Variants in RBMS3 observed in about 807,000 individuals in gnomAD.
RBMS3 encodes RNA-binding motif, single-stranded-interacting protein 3.
Under a neutral mutation model 66.8 loss-of-function variants are expected in RBMS3, and 27 were observed. That is an observed-to-expected ratio of 0.40 (90% confidence interval 0.30 to 0.56). RBMS3 has a LOEUF of 0.56. Ranked by LOEUF, RBMS3 falls within the 20% of genes least tolerant of loss-of-function variation. The probability of loss-of-function intolerance (pLI) is 0.40; values close to 1 mark genes in which losing one functional copy is unlikely to be tolerated. For synonymous variants in RBMS3, 188 were observed against 183.0 expected, an observed-to-expected ratio of 1.03 and a Z score of -0.22; for missense variants, 513 against 549.5, an observed-to-expected ratio of 0.93 and a Z score of 0.66.
At chr3:29,875,499 A>G (rs1468293710) in intron 7 of RBMS3, among the ~76,000 whole-genome samples, 3 of 152,182 alleles carry the variant, frequency 2.0e-5, no homozygotes, top group African/African-American at 7.2e-5. Context: ...AAGGAACTTG[A>G]CATACTATAA....
chr3:29,526,846 A>G (rs974109140), intron 3 of RBMS3, among the ~76,000 whole-genome samples: 1 of 151,240 alleles, frequency 6.6e-6, no homozygotes, highest in East Asian at 1.9e-4. Flanking sequence ...TTTCTCTCTC[A>G]TGTCTCTTTC....
intron 4 of RBMS3, among the ~76,000 whole-genome samples, chr3:29,677,196 C>T (rs540965852): frequency 6.6e-6 from 1 of 152,212 alleles, no homozygotes; most frequent in African/African-American, 2.4e-5. Context: ...CACCTCCCAC[C>T]AAGCCCCACC....
chr3:29,799,199 C>T (rs1231568445), intron 6 of RBMS3, among the ~76,000 whole-genome samples: 1 of 152,146 alleles, frequency 6.6e-6, no homozygotes, highest in East Asian at 1.9e-4. Flanking sequence ...AAATTTCTAA[C>T]ACAGATGGTC....
chr3:29,647,139 G>A (rs1256818743), intron 4 of RBMS3, among the ~76,000 whole-genome samples: 1 of 152,000 alleles, frequency 6.6e-6, no homozygotes, highest in Non-Finnish European at 1.5e-5. Context: ...CACCACACCG[G>A]GCTAATTTTT....
intron 10 of RBMS3, among the ~76,000 whole-genome samples, chr3:29,920,716 C>G (rs2060749202): frequency 1.3e-5 from 2 of 151,878 alleles, no homozygotes; most frequent in South Asian, 4.2e-4. Context: ...TGGCTGATGC[C>G]TGTAATCCCA....
Position 30,003,971 on chromosome 3 carries a change from T to A in RBMS3, c.*109T>A. ...GACGTCAATGGAATGCATTTTTTTG[T>A]TGTTGTTGTTGTTTTTTTTTTAGTG... is the stretch of plus-strand genomic sequence containing the variant. On this transcript the variant is annotated 3_prime_UTR_variant, in exon 15 of 15. Transcript: ENST00000383767. 1.0e-6 allele frequency: 1 copy of A among 978,080 alleles called. No individual in the cohort carries two copies. Among genetic ancestry groups the A allele is most frequent in the African/African-American group, 1.7e-5 (1 of 58,860 alleles). 60.6% of individuals were successfully genotyped at this position (978,080 alleles called of 1,614,324 possible). A position where few individuals can be genotyped will look rare whatever the true frequency, so the allele number is the denominator to read the frequency against.
chr3:29,499,050 G>A (rs2043867165), intron 3 of RBMS3, among the ~76,000 whole-genome samples: 1 of 152,102 alleles, frequency 6.6e-6, no homozygotes, highest in Non-Finnish European at 1.5e-5. Flanking sequence ...CCATCGCAGT[G>A]ACAGGTGATG....
chr3:29,570,998 CT>C (rs1204109161), intron 3 of RBMS3, among the ~76,000 whole-genome samples: 6 of 152,066 alleles, frequency 3.9e-5, no homozygotes, highest in Non-Finnish European at 8.8e-5. Context: ...TTGTTATTGC[CT>C]GTCTTTTGGA....
intron 6 of RBMS3, among the ~76,000 whole-genome samples, chr3:29,782,139 G>T (rs918474795): frequency 1.3e-5 from 2 of 152,030 alleles, no homozygotes; most frequent in Admixed American, 1.3e-4. Flanking sequence ...ACTTAACCAG[G>T]TGTCCCTAGG....
intron 1 of RBMS3, among the ~76,000 whole-genome samples, chr3:29,432,510 T>G (rs2041246253): frequency 6.6e-6 from 1 of 152,190 alleles, no homozygotes; most frequent in Non-Finnish European, 1.5e-5. Context: ...TTGGCCTTCT[T>G]TCTCTAAATG....
At chr3:29,367,321 GT>G (rs1352898065) in intron 1 of RBMS3, among the ~76,000 whole-genome samples, 52 of 152,056 alleles carry the variant, frequency 3.4e-4, no homozygotes, top group Admixed American at 1.3e-4. Flanking sequence ...ATTCAAAAAT[GT>G]TTTTAATAAC....
chr3:29,837,140 G>A (rs2058531152), intron 6 of RBMS3, among the ~76,000 whole-genome samples: 1 of 151,976 alleles, frequency 6.6e-6, no homozygotes, highest in South Asian at 2.1e-4. Flanking sequence ...CAAACGACTT[G>A]AGTAATTTTT....
At chr3:29,285,692 A>G (rs1187189280) in intron 1 of RBMS3, among the ~76,000 whole-genome samples, 1 of 152,102 alleles carries the variant, frequency 6.6e-6, no homozygotes, top group African/African-American at 2.4e-5. Context: ...GAAGTAGTTA[A>G]TCAACTGCAC....
At chr3:29,343,714 A>G (rs1399124914) in intron 1 of RBMS3, among the ~76,000 whole-genome samples, 1 of 152,196 alleles carries the variant, frequency 6.6e-6, no homozygotes, top group East Asian at 1.9e-4. Flanking sequence ...TCCACTAGAA[A>G]ACAGTTCCTT....
chr3:29,438,036 C>CTT (rs1268653157), intron 2 of RBMS3, among the ~76,000 whole-genome samples: 5 of 151,164 alleles, frequency 3.3e-5, no homozygotes, highest in Admixed American at 2.0e-4. Context: ...GTTTCTCTCT[C>CTT]TCTCTCTCTC....
chr3:29,393,684 C>G (rs907836042), intron 1 of RBMS3, among the ~76,000 whole-genome samples: 1 of 151,934 alleles, frequency 6.6e-6, no homozygotes, highest in Non-Finnish European at 1.5e-5. Flanking sequence ...CTATTTTTCC[C>G]TAAGTGTCGA....
At chr3:29,459,771 T>A (rs1040198452) in intron 2 of RBMS3, among the ~76,000 whole-genome samples, 2 of 152,230 alleles carry the variant, frequency 1.3e-5, no homozygotes, top group Non-Finnish European at 2.9e-5. Context: ...TAGATGCACT[T>A]CTGTAATATA....
chr3:29,432,837 A>G (rs1282278374), intron 1 of RBMS3, among the ~76,000 whole-genome samples: 1 of 152,186 alleles, frequency 6.6e-6, no homozygotes, highest in African/African-American at 2.4e-5. Flanking sequence ...AAGGGTGAAA[A>G]GTTGGGAGTA....
chr3:29,941,440 A>G (rs2149698880), intron 11 of RBMS3, among the ~76,000 whole-genome samples: 1 of 151,986 alleles, frequency 6.6e-6, no homozygotes, highest in South Asian at 2.1e-4. Flanking sequence ...GGTAATGGGT[A>G]CATCTAAAAT....
Sources: allele counts gnomAD v4.1 joint callset (sites outside exome capture counted in the v4.1 genomes callset), GRCh38; gene constraint gnomAD v4.1.1; transcripts MANE v1.5; gene names NCBI Gene and HGNC (gene_info 2026-07-23, HGNC 2026-07-21).